Variants in VPS8 observed in about 807,000 individuals in gnomAD.
VPS8 encodes vacuolar protein sorting-associated protein 8 homolog.
A neutral mutation model predicts 216.4 loss-of-function variants in VPS8; 129 were observed. The ratio of observed to expected loss-of-function variants is 0.60; its 90% CI spans 0.52 to 0.69. The LOEUF (loss-of-function observed/expected upper bound fraction) is 0.69, where lower values mean the gene tolerates loss of function less well. VPS8 is among the 30% of genes least tolerant of loss of function. VPS8 has a pLI of 0.00. For synonymous variants in VPS8, 571 were observed against 565.4 expected, an observed-to-expected ratio of 1.01 and a Z score of -0.14; for missense variants, 1,531 against 1,683.5, an observed-to-expected ratio of 0.91 and a Z score of 1.59.
chr3:184,836,777 AG>A (rs2108573721), intron 5 of VPS8, among the ~76,000 whole-genome samples: 1 of 152,300 alleles, frequency 6.6e-6, no homozygotes, highest in Admixed American at 6.5e-5. Context: ...TGATGTTATT[AG>A]GGCTGTTTGG....
intron 2 of VPS8, among the ~76,000 whole-genome samples, chr3:184,825,237 A>T (rs778785534): frequency 2.0e-5 from 3 of 152,186 alleles, no homozygotes; most frequent in Non-Finnish European, 2.9e-5. Flanking sequence ...AATTTGATTC[A>T]TGTTGTCATT....
chr3:184,860,458 T>TAC (rs1471948668), intron 15 of VPS8, among the ~76,000 whole-genome samples: 9 of 77,984 alleles, frequency 1.2e-4, no homozygotes, highest in Admixed American at 3.0e-4. Context: ...TATGTATGTA[T>TAC]ACACACACAT....
chr3:184,818,062 A>G (rs1236465498), intron 1 of VPS8, among the ~76,000 whole-genome samples: 1 of 152,186 alleles, frequency 6.6e-6, no homozygotes, highest in Non-Finnish European at 1.5e-5. Context: ...GGGAAGGTGA[A>G]TCAGCTTGAG....
At chr3:184,888,714 T>A (rs1731768674) in intron 22 of VPS8, among the ~76,000 whole-genome samples, 1 of 152,196 alleles carries the variant, frequency 6.6e-6, no homozygotes, top group Non-Finnish European at 1.5e-5. Context: ...ACTCTGATAT[T>A]CAAATTGAGA....
rs1399051075 is a variant in VPS8, at chr3:184,849,192, A to G, written c.663A>G (p.Gly221=). 6.2e-7 allele frequency: 1 copy of G among 1,613,012 alleles called. No homozygotes were observed. Among genetic ancestry groups the G allele is most frequent in the Non-Finnish European group, 8.5e-7 (1 of 1,179,254 alleles). Residue 221 remains glycine (G), a synonymous_variant, in exon 9 of 48, where the codon GGA becomes GGG. Coordinates refer to ENST00000625842, the MANE Select transcript of VPS8 (RefSeq NM_001009921.3). ...CSRLLCGFAK[G]QITMWDLASG... ...GACTTCTTTGTGGCTTTGCTAAAGG[A>G]CAGGTAAGATATGAACCTCCTTTAA...
chr3:184,941,217 T>C (rs1164709960), intron 36 of VPS8, among the ~76,000 whole-genome samples: 2 of 77,392 alleles, frequency 2.6e-5, no homozygotes, highest in Non-Finnish European at 6.9e-5. Context: ...ATTTTGTTGG[T>C]TGTAAAATTT....
Position 184,878,237 on chromosome 3 carries a change from A to T in VPS8, c.1734+7432A>T, listed in dbSNP as rs370605394. Among the ~76,000 whole-genome samples the T allele has an allele frequency of 1.4e-4, 22 of 151,834 alleles. No individual in the cohort carries two copies. The East Asian group carries it at 4.1e-3, about 28-fold the overall frequency. Reference sequence around the variant, plus strand: ...GCTATTTTCCTGCCTCAGCCTCCTGAGCAGCTGGGATTACAGGTGCCCGCC... The same window carrying T: ...GCTATTTTCCTGCCTCAGCCTCCTGTGCAGCTGGGATTACAGGTGCCCGCC... On this transcript the variant is annotated intron_variant, in intron 21 of 47. Coordinates refer to ENST00000625842, the MANE Select transcript of VPS8 (RefSeq NM_001009921.3).
chr3:184,832,603 G>A, intron 3 of VPS8, 86 bp from the exon 4 acceptor site: 2 of 1,222,166 alleles, frequency 1.6e-6, no homozygotes, highest in Non-Finnish European at 1.1e-6. Flanking sequence ...AAGCACTTGT[G>A]TGCTCTGGAG....
chr3:184,853,524 G>T (rs1724693859), intron 11 of VPS8, among the ~76,000 whole-genome samples: 1 of 152,218 alleles, frequency 6.6e-6, no homozygotes, highest in Admixed American at 6.5e-5. Flanking sequence ...CTAGAGCAAT[G>T]GAAGAAAGCA....
chr3:184,872,808 A>G (rs1414084616), intron 21 of VPS8, among the ~76,000 whole-genome samples: 2 of 152,148 alleles, frequency 1.3e-5, no homozygotes, highest in Non-Finnish European at 2.9e-5. Context: ...GCACAATCAC[A>G]TGGCTACAGG....
intron 27 of VPS8, 43 bp from the exon 28 acceptor site, chr3:184,915,312 T>C (rs774817297): frequency 3.8e-5 from 61 of 1,593,158 alleles, no homozygotes; most frequent in Non-Finnish European, 5.2e-5. Flanking sequence ...CAAGATACTT[T>C]GTCAGGTGAG....
intron 23 of VPS8, among the ~76,000 whole-genome samples, chr3:184,895,585 CCTGCTCCTCCTCCT>C: frequency 9.4e-6 from 1 of 106,822 alleles, no homozygotes; most frequent in Non-Finnish European, 1.9e-5. Context: ...TTTTCCTCCT[CCTGCTCCTCCTCCT>C]CCCCCCCTCC....
Position 185,031,063 on chromosome 3 carries a change from GTTT to G in VPS8, c.4056+6700_4056+6702del, listed in dbSNP as rs765510619. On this transcript the variant is annotated intron_variant, in intron 46 of 47. Transcript: ENST00000625842. ...AATTTTTGTTGAATTACAGGTTGGC[GTTT>G]TTTTTTTTTTTTTTTTTTTTTTTTT... 8.7e-3 allele frequency among the ~76,000 whole-genome samples: 558 copies of G among 64,296 alleles called. 4 individuals are homozygous for G. Among genetic ancestry groups the G allele is most frequent in the African/African-American group, 0.037 (529 of 14,456 alleles). The allele number at this position is 64,296 out of a possible 152,430, so 42.2% of individuals were successfully genotyped here. A position where few individuals can be genotyped will look rare whatever the true frequency, so the allele number is the denominator to read the frequency against.
intron 36 of VPS8, among the ~76,000 whole-genome samples, chr3:184,941,491 A>T (rs1459918620): frequency 2.2e-5 from 3 of 137,826 alleles, no homozygotes; most frequent in Non-Finnish European, 3.0e-5. Flanking sequence ...GCCCTTTTCT[A>T]CTCCCAGAAT....
At chr3:184,957,196 G>A (rs369897877) in intron 36 of VPS8, among the ~76,000 whole-genome samples, 178 bp from the exon 37 acceptor site, 57 of 152,288 alleles carry the variant, frequency 3.7e-4, no homozygotes, top group Middle Eastern at 3.4e-3. Context: ...TGCCTCTTAT[G>A]TAATGTACAG....
intron 46 of VPS8, among the ~76,000 whole-genome samples, chr3:185,030,092 G>A (rs60311030): frequency 0.3 from 45,997 of 151,998 alleles, 10,031 homozygotes; most frequent in African/African-American, 0.62. Context: ...AAAATCAGGA[G>A]TCATTGCCTT....
chr3:184,855,157 TG>T (rs369205344), intron 13 of VPS8, among the ~76,000 whole-genome samples: 8 of 152,330 alleles, frequency 5.3e-5, no homozygotes, highest in Admixed American at 2.0e-4. Flanking sequence ...ATGTTTTTAT[TG>T]TTTTTTTTCA....
In VPS8 at chr3:184,898,565, G is replaced by A. The variant is rs1397030453; in HGVS notation, c.2005G>A (p.Val669Ile). 6.4e-7 allele frequency: 1 copy of A among 1,550,766 alleles called. No individual in the cohort carries two copies. Among genetic ancestry groups the A allele is most frequent in the Non-Finnish European group, 8.7e-7 (1 of 1,146,488 alleles). Residue 669 changes from valine to isoleucine, a missense_variant and splice_region_variant, in exon 24 of 48, where the codon GTA (valine) becomes ATA (isoleucine). Val to Ile is a conservative substitution (Grantham distance 29, BLOSUM62 3). This residue lies in a region of VPS8 where 1,318 missense variants were observed against 1,468.4 expected (regional missense o/e 0.90). Coordinates refer to ENST00000625842, the MANE Select transcript of VPS8 (RefSeq NM_001009921.3). ...MDITSLDIQQ[V>I]VLMCWENRLY... ...ACCAAGTGGCTTTTCCTTTTCACAGGTAGTTCTCATGTGTTGGGAAAATCG... is the reference window on the plus strand; with the variant it reads ...ACCAAGTGGCTTTTCCTTTTCACAGATAGTTCTCATGTGTTGGGAAAATCG...
At chr3:184,909,024 C>T (rs1176202410) in intron 25 of VPS8, among the ~76,000 whole-genome samples, 4 of 152,230 alleles carry the variant, frequency 2.6e-5, no homozygotes, top group Non-Finnish European at 4.4e-5. Context: ...GTAATCTGGT[C>T]TTTCAGCCTT....
Sources: gnomAD v4.1 joint callset for allele counts (sites outside exome capture counted in the v4.1 genomes callset) on GRCh38, gnomAD v4.1.1 for gene constraint, gnomAD v4.1.1 regional missense constraint, MANE v1.5 for transcripts, NCBI Gene and HGNC (gene_info 2026-07-23, HGNC 2026-07-21) for gene names.